The following FAM161A variants were observed in gnomAD, a reference collection of about 807,000 sequenced individuals.
FAM161A encodes protein FAM161A.
In FAM161A, 57 loss-of-function variants were observed where a neutral mutation model predicts 70.9. The ratio of observed to expected loss-of-function variants is 0.80; its 90% CI spans 0.65 to 1.00. FAM161A has a LOEUF of 1.00. Ranked by LOEUF, FAM161A falls within the 50% of genes least tolerant of loss-of-function variation. The pLI is 0.00. For synonymous variants in FAM161A, 299 were observed against 295.7 expected (o/e 1.01, Z -0.12); for missense variants, 880 against 836.0 (o/e 1.05, Z -0.65).
chr2:61,845,001 G>C (rs1263715330), intron 1 of FAM161A, among the ~76,000 whole-genome samples: 1 of 152,214 alleles, frequency 6.6e-6, no homozygotes. Flanking sequence ...CATAGTGCTA[G>C]AACATCCATC....
At chr2:61,849,887 T>G (rs1175353229) in intron 1 of FAM161A, among the ~76,000 whole-genome samples, 1 of 144,326 alleles carries the variant, frequency 6.9e-6, no homozygotes, top group African/African-American at 2.6e-5. Flanking sequence ...AAATATCACA[T>G]GTTCTCATAA....
In FAM161A at chr2:61,839,812, G is replaced by T; in HGVS notation, c.1192C>A (p.Leu398Met). Residue 398 changes from leucine to methionine, a missense_variant, in exon 3 of 7, where the codon CTG (leucine) becomes ATG (methionine). Leu to Met is a conservative substitution (Grantham distance 15). Coordinates refer to ENST00000404929, the MANE Select transcript of FAM161A (RefSeq NM_001201543.2). ...AQEHLQNSSPLPCRSACGCRN... is the reference protein window; with the variant it reads ...AQEHLQNSSPMPCRSACGCRN... ...CATCCACAAGCTGACCTACAAGGCA[G>T]AGGAGATGAGTTCTGTAAATGCTCC... The T allele has an allele frequency of 6.2e-7, 1 of 1,614,204 alleles. No homozygotes were observed. The highest frequency in any genetic ancestry group is 8.5e-7 in the Non-Finnish European group (1 of 1,180,038).
chr2:61,821,714 A>G (rs1672206560), downstream of FAM161A, among the ~76,000 whole-genome samples: 1 of 151,882 alleles, frequency 6.6e-6, no homozygotes, highest in Admixed American at 6.6e-5. Context: ...TTACAGGTGT[A>G]GGCCACTGCA....
At chr2:61,809,884 G>C in the FAM161A span, among the ~76,000 whole-genome samples, 4 of 152,206 alleles carry the variant, frequency 2.6e-5, no homozygotes, top group East Asian at 7.7e-4. Flanking sequence ...GTCTAGCCTG[G>C]TGGAGGAGGA....
At chr2:61,846,889 C>T in intron 1 of FAM161A, 1 of 453,398 alleles carries the variant, frequency 2.2e-6, no homozygotes, top group Non-Finnish European at 4.4e-6. Context: ...CTCGAAAAAT[C>T]AACAGAATTG....
At chr2:61,837,261 T>C (rs1004712408) in intron 4 of FAM161A, among the ~76,000 whole-genome samples, 9 of 152,082 alleles carry the variant, frequency 5.9e-5, no homozygotes, top group African/African-American at 2.2e-4. Context: ...GTAAAGAGCA[T>C]GGGAATACAA....
chr2:61,847,448 C>T (rs995605998), intron 1 of FAM161A, among the ~76,000 whole-genome samples: 1 of 152,086 alleles, frequency 6.6e-6, no homozygotes, highest in Non-Finnish European at 1.5e-5. Context: ...GTATTATATG[C>T]CTGCCCCTAC....
the FAM161A span, among the ~76,000 whole-genome samples, chr2:61,811,728 A>G: frequency 4.7e-5 from 7 of 148,850 alleles, no homozygotes; most frequent in East Asian, 1.2e-3. Flanking sequence ...CTAGTCTTGA[A>G]CTCTTGGGCT....
intron 1 of FAM161A, among the ~76,000 whole-genome samples, chr2:61,853,146 G>A (rs1673555671): frequency 6.6e-6 from 1 of 151,906 alleles, no homozygotes; most frequent in Non-Finnish European, 1.5e-5. Flanking sequence ...TCCTGACCTC[G>A]TAACCCGCCC....
At chr2:61,836,541 G>C (rs891471885) in intron 4 of FAM161A, 10 of 155,610 alleles carry the variant, frequency 6.4e-5, no homozygotes, top group African/African-American at 2.2e-4. Context: ...ACAAGACTTT[G>C]CTCTTATTTT....
At chr2:61,835,041 T>C (rs1188485297) in intron 5 of FAM161A, among the ~76,000 whole-genome samples, 2 of 152,202 alleles carry the variant, frequency 1.3e-5, no homozygotes, top group Non-Finnish European at 1.5e-5. Context: ...TAAAATTATA[T>C]CTAGATCAGT....
At chr2:61,839,230 T>C (rs1389319391) in intron 3 of FAM161A, among the ~76,000 whole-genome samples, 191 bp downstream of exon 3, 1 of 152,090 alleles carries the variant, frequency 6.6e-6, no homozygotes, top group Non-Finnish European at 1.5e-5. Flanking sequence ...TCCCCCAAAA[T>C]TTATAAATGA....
At chr2:61,811,897 T>C in the FAM161A span, among the ~76,000 whole-genome samples, 4 of 152,216 alleles carry the variant, frequency 2.6e-5, no homozygotes, top group Non-Finnish European at 5.9e-5. Flanking sequence ...AAATCTTTAC[T>C]GTGTCCTAGA....
rs1375972743 is a variant in FAM161A at position 61,839,920 on chromosome 2, G to A, written c.1084C>T (p.Arg362Ter). ...TTGGTAGTTGAACCATAAGTAGATC[G>A]AGGAATGGGTCTGGCTTTAAATCGA... ...TNRFKARPIP[R>*]STYGSTTNDK... The change falls in exon 3 of 7, where the codon CGA (arginine) becomes TGA (stop). Residue 362 changes from arginine (R) to a stop codon, truncating the protein, a stop_gained. Coordinates refer to ENST00000404929, the MANE Select transcript of FAM161A (RefSeq NM_001201543.2). LOFTEE classifies it high-confidence loss of function. The A allele has an allele frequency of 3.1e-6, 5 of 1,614,178 alleles. No individual in the cohort carries two copies. Among genetic ancestry groups the A allele is most frequent in the African/African-American group, 1.3e-5 (1 of 75,032 alleles).
chr2:61,832,857 G>A (rs1255471610), intron 5 of FAM161A, among the ~76,000 whole-genome samples: 1 of 152,112 alleles, frequency 6.6e-6, no homozygotes, highest in East Asian at 1.9e-4. Context: ...TGGAAAAATG[G>A]TCTTCCATAA....
chr2:61,850,476 G>A (rs1416699214), intron 1 of FAM161A, among the ~76,000 whole-genome samples: 1 of 152,176 alleles, frequency 6.6e-6, no homozygotes, highest in East Asian at 1.9e-4. Context: ...GTGGAGCCAG[G>A]CACAGTGGCT....
At chr2:61,824,756 G>C, downstream of FAM161A, 1 of 301,272 alleles carries the variant, frequency 3.3e-6, no homozygotes, top group Non-Finnish European at 6.4e-6. Flanking sequence ...TTTGTAGATT[G>C]TGTTTCACAG....
the FAM161A span, among the ~76,000 whole-genome samples, chr2:61,802,772 G>A: frequency 6.6e-6 from 1 of 152,138 alleles, no homozygotes; most frequent in Non-Finnish European, 1.5e-5. Flanking sequence ...CACTATAGTT[G>A]CTACGGGTAC....
In FAM161A at chr2:61,839,817, G is replaced by T. The variant is rs773318148; in HGVS notation, c.1187C>A (p.Ser396Tyr). 6.2e-7 allele frequency: 1 copy of T among 1,614,208 alleles called. No homozygotes were observed. Among genetic ancestry groups the T allele is most frequent in the South Asian group, 1.1e-5 (1 of 91,088 alleles). The change falls in exon 3 of 7, where the codon TCT becomes TAT. Residue 396 changes from serine to tyrosine, a missense_variant. By Grantham distance (144) the Ser-to-Tyr change is moderately radical. Transcript: ENST00000404929. ...ACAAGCTGACCTACAAGGCAGAGGA[G>T]ATGAGTTCTGTAAATGCTCCTGGGC... The part of the protein sequence containing the change: ...LRAQEHLQNS[S>Y]PLPCRSACGC...
Sources: gnomAD v4.1 joint callset for allele counts (sites outside exome capture counted in the v4.1 genomes callset) on GRCh38, gnomAD v4.1.1 for gene constraint, MANE v1.5 for transcripts, NCBI Gene and HGNC (gene_info 2026-07-23, HGNC 2026-07-21) for gene names.